Variants in TASP1 observed in about 807,000 individuals in gnomAD.
TASP1 encodes taspase 1.
In TASP1, 16 loss-of-function variants were observed where a neutral mutation model predicts 56.6. The observed-to-expected ratio is 0.28, with a 90% CI of 0.19 to 0.43. TASP1 has a LOEUF of 0.43. Ranked by LOEUF, TASP1 falls within the 20% of genes least tolerant of loss-of-function variation. The pLI, the probability that TASP1 is intolerant of heterozygous loss-of-function variation, is 1.00. For synonymous variants in TASP1, 179 were observed against 184.2 expected, an observed-to-expected ratio of 0.97 and a Z score of 0.23; for missense variants, 393 against 511.6, an observed-to-expected ratio of 0.77 and a Z score of 2.24.
the TASP1 span, among the ~76,000 whole-genome samples, chr20:13,202,089 C>T: frequency 3.3e-5 from 5 of 152,248 alleles, no homozygotes; most frequent in South Asian, 2.1e-4. Context: ...CCCCTCCATA[C>T]GCACTACCCA....
At chr20:13,248,316 T>G in the TASP1 span, among the ~76,000 whole-genome samples, 1 of 152,216 alleles carries the variant, frequency 6.6e-6, no homozygotes, top group South Asian at 2.1e-4. Flanking sequence ...GAGTATGAAC[T>G]GCATTGCTGG....
intron 13 of TASP1, among the ~76,000 whole-genome samples, chr20:13,409,730 T>A (rs190464525): frequency 1.5e-3 from 227 of 152,282 alleles, no homozygotes; most frequent in Admixed American, 4.8e-3. Flanking sequence ...ATGTATGGGA[T>A]ACATGTGATA....
At chr20:13,501,653 C>T (rs142369954) in intron 10 of TASP1, among the ~76,000 whole-genome samples, 1 of 151,908 alleles carries the variant, frequency 6.6e-6, no homozygotes, top group Non-Finnish European at 1.5e-5. Context: ...GTATATTTAG[C>T]CCAATTACAT....
chr20:13,577,593 G>A (rs996064523), intron 6 of TASP1, among the ~76,000 whole-genome samples: 1 of 151,920 alleles, frequency 6.6e-6, no homozygotes, highest in African/African-American at 2.4e-5. Context: ...GTCTTTATAA[G>A]AAAGAAATTT....
the TASP1 span, chr20:13,292,382 G>A: frequency 1.9e-6 from 3 of 1,598,576 alleles, no homozygotes; most frequent in Admixed American, 5.2e-5. Flanking sequence ...AGGAATTGAA[G>A]ACACTTTTAG....
chr20:13,320,656 A>G, the TASP1 span, among the ~76,000 whole-genome samples: 1 of 152,132 alleles, frequency 6.6e-6, no homozygotes, highest in African/African-American at 2.4e-5. Flanking sequence ...ACAGAAGTTG[A>G]TAGTCCCAGG....
intron 10 of TASP1, among the ~76,000 whole-genome samples, chr20:13,508,670 T>G (rs2182708): frequency 0.36 from 54,688 of 151,970 alleles, 10,647 homozygotes; most frequent in Non-Finnish European, 0.43. Flanking sequence ...TTTTTTATAA[T>G]GGACAAAGGA....
the TASP1 span, among the ~76,000 whole-genome samples, chr20:13,365,357 A>G: frequency 6.6e-6 from 1 of 152,246 alleles, no homozygotes; most frequent in Admixed American, 6.5e-5. Context: ...ACTCTAATGT[A>G]AAAGATGGAC....
the TASP1 span, among the ~76,000 whole-genome samples, chr20:13,159,075 C>T: frequency 6.6e-6 from 1 of 152,202 alleles, no homozygotes; most frequent in Non-Finnish European, 1.5e-5. Flanking sequence ...CTTGGGAGTA[C>T]ATGCCTTTTT....
chr20:13,520,177 C>T (rs543058321), intron 10 of TASP1, among the ~76,000 whole-genome samples: 27 of 152,078 alleles, frequency 1.8e-4, no homozygotes, highest in Non-Finnish European at 2.6e-4. Context: ...GAATCAATAT[C>T]GGGAAAATGG....
the TASP1 span, among the ~76,000 whole-genome samples, chr20:13,218,716 C>T: frequency 6.6e-5 from 10 of 152,172 alleles, no homozygotes; most frequent in African/African-American, 2.2e-4. Context: ...ATTGTAAGCC[C>T]GTGTTCCCTA....
the TASP1 span, among the ~76,000 whole-genome samples, chr20:13,143,783 A>G: frequency 4.6e-5 from 7 of 152,228 alleles, no homozygotes; most frequent in African/African-American, 1.7e-4. Flanking sequence ...AGCCCTTTCA[A>G]GGAACCACAT....
intron 5 of TASP1, 58 bp downstream of exon 5, chr20:13,587,176 TAATCATCTTTAGAAGG>T: frequency 6.7e-7 from 1 of 1,499,004 alleles, no homozygotes. Flanking sequence ...AAAAAGACTG[TAATCATCTTTAGAAGG>T]CATGAAATGG....
At position 13,390,267 on chromosome 20, in the gene TASP1, A is replaced by G. The variant is rs2041223069; in HGVS notation, c.*93T>C. The G allele has an allele frequency of 8.5e-7, 1 of 1,170,660 alleles. No homozygotes were observed. The highest frequency in any genetic ancestry group is 1.3e-5 in the South Asian group (1 of 75,250). 72.5% of individuals were successfully genotyped at this position (1,170,660 alleles called of 1,614,324 possible). The stretch of plus-strand genomic sequence containing the variant: ...ACGAGGTTGCAATAGGAATTATAAA[A>G]CAAGAAAGATAAAACAACCAACTTC... On this transcript the variant is annotated 3_prime_UTR_variant, in exon 14 of 14. Coordinates refer to ENST00000337743, the MANE Select transcript of TASP1 (RefSeq NM_017714.3).
intron 9 of TASP1, among the ~76,000 whole-genome samples, chr20:13,530,286 C>T (rs960310293): frequency 2.6e-5 from 4 of 152,242 alleles, no homozygotes; most frequent in African/African-American, 4.8e-5. Flanking sequence ...AAGAACTGAG[C>T]GGGATACTCT....
rs1407188316 is a variant in TASP1 at position 13,496,946 on chromosome 20, G to A, written c.875-13609C>T. Among the ~76,000 whole-genome samples the A allele has an allele frequency of 2.6e-5, 4 of 152,224 alleles. No individual in the cohort carries two copies. In the East Asian group the frequency reaches 7.7e-4, roughly 29 times the overall value. On this transcript the variant is annotated intron_variant, in intron 10 of 13. Transcript: ENST00000337743. Reference sequence around the variant, plus strand: ...GGTCTCTTCTATTCCTAAGGAAGCAGTGGAAAAAGAATAAATGCTGTAGAT... The same window carrying A: ...GGTCTCTTCTATTCCTAAGGAAGCAATGGAAAAAGAATAAATGCTGTAGAT...
chr20:13,460,526 G>A (rs530467801), intron 11 of TASP1, among the ~76,000 whole-genome samples: 1 of 151,966 alleles, frequency 6.6e-6, no homozygotes, highest in Non-Finnish European at 1.5e-5. Context: ...ACTTATATAT[G>A]CAATTGCCTA....
At chr20:13,465,746 T>C (rs1283796513) in intron 11 of TASP1, among the ~76,000 whole-genome samples, 1 of 146,168 alleles carries the variant, frequency 6.8e-6, no homozygotes, top group Non-Finnish European at 1.5e-5. Flanking sequence ...AAAGGTCACA[T>C]ACTGAATGAT....
At chr20:13,318,300 C>T in the TASP1 span, among the ~76,000 whole-genome samples, 1,178 of 152,086 alleles carry the variant, frequency 7.7e-3, 23 homozygotes, top group African/African-American at 0.027. Context: ...ATTAGAATGG[C>T]CAAAATCCAA....
Sources: allele counts gnomAD v4.1 joint callset (sites outside exome capture counted in the v4.1 genomes callset), GRCh38; gene constraint gnomAD v4.1.1; transcripts MANE v1.5; gene names NCBI Gene and HGNC (gene_info 2026-07-23, HGNC 2026-07-21).